The following CNTLN variants were observed in gnomAD, a reference collection of about 807,000 sequenced individuals.
The protein encoded by CNTLN is centlein, centrosomal protein.
In CNTLN, 212 loss-of-function variants were observed where a neutral mutation model predicts 180.0. That is an observed-to-expected ratio of 1.18 (90% CI 1.05 to 1.32). CNTLN has a LOEUF of 1.32. Ranked by LOEUF, CNTLN falls within the 40% of genes most tolerant of loss-of-function variation. The pLI, the probability that CNTLN is intolerant of heterozygous loss-of-function variation, is 0.00. For synonymous variants in CNTLN, 722 were observed against 563.1 expected (o/e 1.28, Z -3.99); for missense variants, 2,095 against 1,610.9 (o/e 1.30, Z -5.14).
rs60525398 is a variant in CNTLN, at chr9:17,503,437, C to T, written c.*785C>T. On this transcript the variant is annotated 3_prime_UTR_variant, in exon 26 of 26. Transcript: ENST00000380647. Reference sequence around the variant, plus strand: ...ATTCCCACCTCATTTCACCTCTTCACCGTGTTCCTGCCATACCCTTTTTGG... The same window carrying T: ...ATTCCCACCTCATTTCACCTCTTCATCGTGTTCCTGCCATACCCTTTTTGG... The T allele has an allele frequency of 0.11, 16,683 of 152,176 alleles. 2,573 individuals are homozygous for T. Among genetic ancestry groups the T allele is most frequent in the African/African-American group, 0.35 (14,530 of 41,458 alleles). 9.4% of individuals were successfully genotyped at this position (152,176 alleles called of 1,614,324 possible). A position where few individuals can be genotyped will look rare whatever the true frequency, so the allele number is the denominator to read the frequency against.
chr9:17,267,037 C>T (rs924637736), intron 5 of CNTLN, among the ~76,000 whole-genome samples: 3 of 152,146 alleles, frequency 2.0e-5, no homozygotes, highest in African/African-American at 7.2e-5. Context: ...TGCCCATTTA[C>T]ATTTAAAGTT....
intron 2 of CNTLN, among the ~76,000 whole-genome samples, chr9:17,162,379 G>C (rs1009502747): frequency 2.6e-5 from 4 of 152,194 alleles, no homozygotes; most frequent in African/African-American, 9.7e-5. Context: ...CTCCCAAAGT[G>C]CTGGGATTAC....
intron 1 of CNTLN, among the ~76,000 whole-genome samples, chr9:17,137,451 T>C (rs1486505756): frequency 6.6e-6 from 1 of 152,212 alleles, no homozygotes; most frequent in East Asian, 1.9e-4. Context: ...TACCCAAGAA[T>C]ACATAGCATT....
At chr9:17,304,191 T>C (rs1818554552) in intron 7 of CNTLN, among the ~76,000 whole-genome samples, 2 of 152,116 alleles carry the variant, frequency 1.3e-5, no homozygotes, top group Admixed American at 6.5e-5. Context: ...AGTCATATTG[T>C]CCCAGAGCTC....
chr9:17,377,173 A>T (rs1056629000), intron 13 of CNTLN, among the ~76,000 whole-genome samples: 16 of 152,302 alleles, frequency 1.1e-4, no homozygotes, highest in African/African-American at 3.8e-4. Flanking sequence ...CGAATTCAGT[A>T]CTCATCACAT....
chr9:17,139,075 G>T (rs1272731657), intron 1 of CNTLN, among the ~76,000 whole-genome samples: 1 of 151,842 alleles, frequency 6.6e-6, no homozygotes, highest in African/African-American at 2.4e-5. Context: ...TGAGAAAAAA[G>T]AATTATTATT....
chr9:17,341,233 T>G (rs1214859994), intron 11 of CNTLN, among the ~76,000 whole-genome samples: 1 of 152,130 alleles, frequency 6.6e-6, no homozygotes, highest in Non-Finnish European at 1.5e-5. Flanking sequence ...ATTATGTAAT[T>G]TAAAGCAAAA....
intron 7 of CNTLN, 124 bp downstream of exon 7, chr9:17,298,476 A>C: frequency 1.5e-6 from 2 of 1,339,896 alleles, no homozygotes; most frequent in Non-Finnish European, 1.9e-6. Flanking sequence ...TGTTTCCTCA[A>C]AATTTAGAAG....
chr9:17,282,747 C>A (rs569174297), intron 6 of CNTLN, among the ~76,000 whole-genome samples: 1 of 152,216 alleles, frequency 6.6e-6, no homozygotes, highest in South Asian at 2.1e-4. Context: ...TTTAACCTAT[C>A]TTGAATTGAT....
chr9:17,197,277 C>T (rs2058771182), intron 2 of CNTLN, among the ~76,000 whole-genome samples: 1 of 152,188 alleles, frequency 6.6e-6, no homozygotes, highest in African/African-American at 2.4e-5. Flanking sequence ...GTTCCCTTTT[C>T]TCCACATCCT....
intron 2 of CNTLN, among the ~76,000 whole-genome samples, chr9:17,144,764 ATGAC>A (rs1309875275): frequency 1.3e-5 from 2 of 151,474 alleles, no homozygotes; most frequent in African/African-American, 2.4e-5. Flanking sequence ...CTTTATAACT[ATGAC>A]TGTCAAAATT....
chr9:17,495,369 G>C (rs982610124), intron 25 of CNTLN, among the ~76,000 whole-genome samples: 1 of 152,156 alleles, frequency 6.6e-6, no homozygotes, highest in Non-Finnish European at 1.5e-5. Flanking sequence ...ACAAGATGTG[G>C]AGGTGGAAGA....
the CNTLN span, among the ~76,000 whole-genome samples, chr9:17,521,480 T>C: frequency 6.6e-6 from 1 of 152,220 alleles, no homozygotes; most frequent in African/African-American, 2.4e-5. Context: ...AATTCTTTTT[T>C]TCCCCCGAAT....
At chr9:17,324,232 C>T (rs1012367952) in intron 8 of CNTLN, among the ~76,000 whole-genome samples, 6 of 152,058 alleles carry the variant, frequency 3.9e-5, no homozygotes, top group African/African-American at 1.4e-4. Flanking sequence ...TTTAGAGATA[C>T]ACCACAAAAA....
intron 2 of CNTLN, among the ~76,000 whole-genome samples, chr9:17,190,825 A>C (rs911864441): frequency 6.6e-6 from 1 of 152,220 alleles, no homozygotes; most frequent in African/African-American, 2.4e-5. Flanking sequence ...TAATTATAGC[A>C]ATTAAGAACT....
rs140438154 is a variant in CNTLN at position 17,301,358 on chromosome 9, A to G, written c.1146+3006A>G. 2.5e-3 allele frequency: 2,471 copies of G among 985,376 alleles called. 7 individuals are homozygous for G. The highest frequency in any genetic ancestry group is 2.7e-3 in the Non-Finnish European group (2,242 of 829,878). The allele number at this position is 985,376 out of a possible 1,614,324, so 61.0% of individuals were successfully genotyped here. A position where few individuals can be genotyped will look rare whatever the true frequency, so the allele number is the denominator to read the frequency against. On this transcript the variant is annotated intron_variant, in intron 7 of 25. Coordinates refer to ENST00000380647, the MANE Select transcript of CNTLN (RefSeq NM_017738.4). ...CAAGAATCATTATAGAAAATGAGAG[A>G]TGTAAATGATGGGGTTATGTTGTGT...
chr9:17,242,362 T>A (rs776895857), intron 5 of CNTLN, among the ~76,000 whole-genome samples: 3 of 151,782 alleles, frequency 2.0e-5, no homozygotes, highest in Admixed American at 6.6e-5. Context: ...CAGGCGGGAG[T>A]GCAGTGGCAC....
intron 19 of CNTLN, among the ~76,000 whole-genome samples, chr9:17,458,802 G>C (rs931395785): frequency 1.3e-5 from 2 of 151,930 alleles, no homozygotes; most frequent in South Asian, 4.2e-4. Flanking sequence ...ACTTGGGTCA[G>C]TCACAACATT....
In CNTLN at chr9:17,409,405, G is replaced by C; in HGVS notation, c.2728G>C (p.Glu910Gln). 6.2e-7 allele frequency: 1 copy of C among 1,613,398 alleles called. No individual in the cohort carries two copies. The highest frequency in any genetic ancestry group is 1.1e-5 in the South Asian group (1 of 91,036). Reference protein sequence around the residue: ...GKDQKESDPTEDSQTQGKEIV... With the variant: ...GKDQKESDPTQDSQTQGKEIV... ...AGACCAGAAAGAAAGTGATCCAACA[G>C]AAGACAGCCAAACACAAGGAAAAGA... Residue 910 changes from glutamate to glutamine, a missense_variant, in exon 16 of 26, where the codon GAA (glutamate) becomes CAA (glutamine). Physicochemically the swap from Glu to Gln is conservative, Grantham distance 29. Coordinates refer to ENST00000380647, the MANE Select transcript of CNTLN (RefSeq NM_017738.4).
Sources: allele counts gnomAD v4.1 joint callset (sites outside exome capture counted in the v4.1 genomes callset), GRCh38; gene constraint gnomAD v4.1.1; transcripts MANE v1.5; gene names NCBI Gene and HGNC (gene_info 2026-07-23, HGNC 2026-07-21).